Variants in POT1 observed in about 807,000 individuals in gnomAD.
The protein encoded by POT1 is protection of telomeres 1.
Under a neutral mutation model 78.5 loss-of-function variants are expected in POT1, and 47 were observed. That is an observed-to-expected ratio of 0.60 (90% CI 0.47 to 0.76). The LOEUF (loss-of-function observed/expected upper bound fraction) is 0.76. Among genes scored for constraint, POT1 ranks in the 30% least tolerant of loss-of-function variants. POT1 has a pLI of 0.00. For missense variants in POT1, 646 were observed against 749.9 expected (o/e 0.86, Z 1.62); for synonymous variants, 259 against 260.7 (o/e 0.99, Z 0.06).
chr7:124,863,699 AC>A, intron 7 of POT1, 59 bp from the exon 8 acceptor site: 1 of 1,269,814 alleles, frequency 7.9e-7, no homozygotes. Flanking sequence ...CTGATGCACA[AC>A]CTACGAACCA....
At chr7:124,842,779 C>T (rs749645936) in intron 13 of POT1, 28 bp downstream of exon 13, 8 of 1,552,368 alleles carry the variant, frequency 5.2e-6, no homozygotes, top group East Asian at 4.6e-5. Context: ...AATATGAAAA[C>T]GTTTGTTTTA....
chr7:124,848,092 T>C (rs1346130415), intron 11 of POT1, among the ~76,000 whole-genome samples: 1 of 152,126 alleles, frequency 6.6e-6, no homozygotes, highest in East Asian at 1.9e-4. Context: ...CAAAAACATA[T>C]AGTATATACA....
intron 3 of POT1, chr7:124,900,908 G>T: frequency 3.1e-6 from 1 of 322,184 alleles, no homozygotes; most frequent in Non-Finnish European, 6.6e-6. Context: ...TGCTGGCACA[G>T]CAGTCCCAGA....
Position 124,877,632 on chromosome 7 carries a change from A to T in POT1, c.125-6591T>A, listed in dbSNP as rs558967153. On this transcript the variant is annotated intron_variant, in intron 6 of 18. Transcript: ENST00000357628. ...CAGATCATGAGGTCAGGAGATCGAG[A>T]CCATCCTGGCTAACACAGTGAAACC... is the stretch of plus-strand genomic sequence containing the variant. Among the ~76,000 whole-genome samples, 73 of 151,984 alleles carry T rather than the reference A, an allele frequency of 4.8e-4. 1 individual carries two copies. In the South Asian group the frequency reaches 8.5e-3, roughly 18 times the overall value.
At chr7:124,825,175 A>G (rs2116407225) in intron 18 of POT1, 77 bp downstream of exon 18, 1 of 866,466 alleles carries the variant, frequency 1.2e-6, no homozygotes, top group South Asian at 2.2e-5. Flanking sequence ...CAGACTTCTA[A>G]AAGTCCACAG....
intron 9 of POT1, among the ~76,000 whole-genome samples, chr7:124,855,218 C>CAAAAAAA (rs550056711): frequency 5.7e-5 from 3 of 52,490 alleles, no homozygotes; most frequent in African/African-American, 7.8e-5. Context: ...GAGAGGAGAG[C>CAAAAAAA]AAAAAAAAAA....
At chr7:124,843,410 A>T (rs1407960892) in intron 12 of POT1, among the ~76,000 whole-genome samples, 1 of 152,222 alleles carries the variant, frequency 6.6e-6, no homozygotes. Context: ...AACCATCATT[A>T]TAAAATCAGA....
At chr7:124,859,414 A>T (rs1001737638) in intron 8 of POT1, among the ~76,000 whole-genome samples, 2 of 152,140 alleles carry the variant, frequency 1.3e-5, no homozygotes, top group Admixed American at 1.3e-4. Context: ...AAAAACACTC[A>T]TATGTATTAA....
rs1003931714 is a variant in POT1, at chr7:124,897,158, A to G, written c.9+7T>C. 1.4e-6 allele frequency: 2 copies of G among 1,447,912 alleles called. No homozygotes were observed. The highest frequency in any genetic ancestry group is 1.9e-6 in the Non-Finnish European group (2 of 1,043,978). 89.7% of individuals were successfully genotyped at this position (1,447,912 alleles called of 1,614,324 possible). ...AATACTCTAAATTAAACTGAATATC[A>G]TCTTACCAAAGACATTGATTCTGTA... is the stretch of plus-strand genomic sequence containing the variant. On this transcript the variant is annotated splice_region_variant and intron_variant, in intron 5 of 18. Coordinates refer to ENST00000357628, the MANE Select transcript of POT1 (RefSeq NM_015450.3).
Position 124,827,250 on chromosome 7 carries a change from A to T in POT1, c.1650T>A (p.Asp550Glu), listed in dbSNP as rs769115184. ...GATAGGCTTCTAGTACTCCTGTTCC[A>T]TCATCAAGTGTAAAGGTCATAACAA... Reference protein sequence around the residue: ...YVFVMTFTLDDGTGVLEAYLM... With the variant: ...YVFVMTFTLDEGTGVLEAYLM... The change falls in exon 17 of 19, where the codon GAT (aspartate) becomes GAA (glutamate). Residue 550 changes from aspartate to glutamate, a missense_variant. Physicochemically the swap from Asp to Glu is conservative, Grantham distance 45. Around this residue, in one of 2 missense-constraint regions of POT1, gnomAD observed 394 missense variants for 408.4 expected, o/e 0.96. Transcript: ENST00000357628. The T allele has an allele frequency of 6.3e-7, 1 of 1,597,428 alleles. No homozygotes were observed. The highest frequency in any genetic ancestry group is 8.6e-7 in the Non-Finnish European group (1 of 1,167,308).
chr7:124,881,324 C>G (rs1448772920), intron 6 of POT1, among the ~76,000 whole-genome samples: 1 of 151,882 alleles, frequency 6.6e-6, no homozygotes, highest in African/African-American at 2.4e-5. Flanking sequence ...TCTTACGAGA[C>G]CACTGTCATA....
chr7:124,829,453 G>C, intron 15 of POT1, 111 bp from the exon 16 acceptor site: 1 of 649,642 alleles, frequency 1.5e-6, no homozygotes, highest in Non-Finnish European at 2.6e-6. Flanking sequence ...TTATTAAACA[G>C]AAGAATACTG....
At chr7:124,871,877 C>G (rs1341854567) in intron 6 of POT1, among the ~76,000 whole-genome samples, 1 of 151,728 alleles carries the variant, frequency 6.6e-6, no homozygotes, top group Non-Finnish European at 1.5e-5. Flanking sequence ...ATTTTTGCAG[C>G]GAGAACACTT....
intron 3 of POT1, among the ~76,000 whole-genome samples, chr7:124,914,660 T>A (rs1032056784): frequency 6.6e-6 from 1 of 152,132 alleles, no homozygotes; most frequent in Non-Finnish European, 1.5e-5. Context: ...TAATACAAAT[T>A]TAAAAATACA....
At chr7:124,895,708 A>G (rs189783889) in intron 5 of POT1, among the ~76,000 whole-genome samples, 7 of 151,794 alleles carry the variant, frequency 4.6e-5, no homozygotes, top group Non-Finnish European at 3.0e-5. Flanking sequence ...TTGAAAAGAT[A>G]TTTAAAGAAA....
chr7:124,852,186 A>G (rs368714934), intron 10 of POT1, among the ~76,000 whole-genome samples: 4 of 152,180 alleles, frequency 2.6e-5, no homozygotes, highest in African/African-American at 9.6e-5. Context: ...TACAAACAAA[A>G]ATAAACTGGG....
In POT1 at chr7:124,872,488, G is replaced by A. The variant is rs114685381; in HGVS notation, c.125-1447C>T. Among the ~76,000 whole-genome samples the A allele has an allele frequency of 4.8e-3, 726 of 152,224 alleles. 8 individuals are homozygous for A. The highest frequency in any genetic ancestry group is 0.016 in the African/African-American group (685 of 41,538). On this transcript the variant is annotated intron_variant, in intron 6 of 18. Transcript: ENST00000357628. ...CACTGTCCACGCTCCCTGCCTGTTT[G>A]TCACTTAGTAGCTGTTTCAGCTATC...
intron 12 of POT1, among the ~76,000 whole-genome samples, chr7:124,844,732 CAAAAAA>C (rs33956452): frequency 4.8e-5 from 3 of 62,862 alleles, no homozygotes; most frequent in East Asian, 9.1e-4. Flanking sequence ...GACTCCGCCT[CAAAAAA>C]AAAAAAAAAA....
chr7:124,902,713 T>A (rs995635551), intron 3 of POT1, among the ~76,000 whole-genome samples: 1 of 152,138 alleles, frequency 6.6e-6, no homozygotes, highest in Non-Finnish European at 1.5e-5. Context: ...ATGCTCCAAT[T>A]AAAAGACACA....
Sources: gnomAD v4.1 joint callset for allele counts (sites outside exome capture counted in the v4.1 genomes callset) on GRCh38, gnomAD v4.1.1 for gene constraint, gnomAD v4.1.1 regional missense constraint, MANE v1.5 for transcripts, NCBI Gene and HGNC (gene_info 2026-07-23, HGNC 2026-07-21) for gene names.